The following GAS2L3 variants were observed in gnomAD, a reference collection of about 807,000 sequenced individuals.
The protein encoded by GAS2L3 is growth arrest specific 2 like 3.
Under a neutral mutation model 37.0 loss-of-function variants are expected in GAS2L3, and 28 were observed. That is an observed-to-expected ratio of 0.76 (90% confidence interval 0.56 to 1.04). The LOEUF (loss-of-function observed/expected upper bound fraction) is 1.04. Among genes scored for constraint, GAS2L3 ranks in the 50% least tolerant of loss-of-function variants. The pLI is 0.00. For synonymous variants in GAS2L3, 290 were observed against 296.6 expected (o/e 0.98, Z 0.23); for missense variants, 793 against 817.6 (o/e 0.97, Z 0.37).
intron 1 of GAS2L3, among the ~76,000 whole-genome samples, chr12:100,583,637 A>C (rs553351197): frequency 5.3e-4 from 81 of 151,836 alleles, no homozygotes; most frequent in Admixed American, 1.1e-3. Flanking sequence ...ATGCCGACTA[A>C]TTTTTTTTGT....
At chr12:100,623,506 G>T (rs1956284759) in intron 9 of GAS2L3, 56 bp from the exon 10 acceptor site, 3 of 1,482,902 alleles carry the variant, frequency 2.0e-6, no homozygotes, top group African/African-American at 1.4e-5. Flanking sequence ...CTAATGAATT[G>T]TAACTATAAA....
At position 100,627,032 on chromosome 12, in the gene GAS2L3, T is replaced by A. The variant is rs1251266161; in HGVS notation, c.*2142T>A. Among the ~76,000 whole-genome samples the A allele has an allele frequency of 6.8e-6, 1 of 147,244 alleles. No homozygotes were observed. Reference sequence around the variant, plus strand: ...TGAACCCGGGAGGCAGAGGTTGCAGTGAGCCAAGATTGCGCCACTGCACTC... The same window carrying A: ...TGAACCCGGGAGGCAGAGGTTGCAGAGAGCCAAGATTGCGCCACTGCACTC... On this transcript the variant is annotated 3_prime_UTR_variant, in exon 10 of 10. Coordinates refer to ENST00000547754, the MANE Select transcript of GAS2L3 (RefSeq NM_174942.3).
At position 100,612,040 on chromosome 12, in the gene GAS2L3, C is replaced by T; in HGVS notation, c.344C>T (p.Ala115Val). The T allele has an allele frequency of 6.2e-7, 1 of 1,610,624 alleles. No homozygotes were observed. The highest frequency in any genetic ancestry group is 8.5e-7 in the Non-Finnish European group (1 of 1,176,898). ...MRKVPCKKDA[A>V]SGSFFARDNT... Reference sequence around the variant, plus strand: ...AAAGTGCCCTGTAAGAAAGATGCTGCATCAGGTTCATTCTTTGCTCGGGAC... The same window carrying T: ...AAAGTGCCCTGTAAGAAAGATGCTGTATCAGGTTCATTCTTTGCTCGGGAC... Residue 115 changes from alanine (A) to valine (V), a missense_variant, in exon 6 of 10, where the codon GCA (alanine) becomes GTA (valine). Physicochemically the swap from Ala to Val is moderately conservative, Grantham distance 64. Transcript: ENST00000547754.
intron 6 of GAS2L3, chr12:100,612,477 A>T (rs1430478313): frequency 4.8e-6 from 1 of 210,250 alleles, no homozygotes; most frequent in African/African-American, 2.4e-5. Context: ...CTTCCCTTTA[A>T]CCGGATAATT....
chr12:100,627,088 C>CAA lies in GAS2L3; in HGVS notation c.*2212_*2213dup, dbSNP rs566899740. On this transcript the variant is annotated 3_prime_UTR_variant, in exon 10 of 10. Transcript: ENST00000547754. ...TGGGCAACAGAGTGAGACTCTGTCT[C>CAA]AAAAAAAAAAAAAAAGAAAAAGAAA... is the stretch of plus-strand genomic sequence containing the variant. 1.0e-3 allele frequency among the ~76,000 whole-genome samples: 82 copies of CAA among 81,590 alleles called. No homozygotes were observed. Among genetic ancestry groups the CAA allele is most frequent in the African/African-American group, 3.2e-3 (74 of 23,090 alleles). The allele number at this position is 81,590 out of a possible 152,430, so 53.5% of individuals were successfully genotyped here.
intron 1 of GAS2L3, among the ~76,000 whole-genome samples, chr12:100,589,077 G>C (rs1331937029): frequency 6.6e-6 from 1 of 152,162 alleles, no homozygotes; most frequent in African/African-American, 2.4e-5. Context: ...AGGATTAAGA[G>C]ATTAAAGTAA....
chr12:100,587,039 C>G (rs1040467402), intron 1 of GAS2L3, among the ~76,000 whole-genome samples: 2 of 152,046 alleles, frequency 1.3e-5, no homozygotes, highest in African/African-American at 4.8e-5. Flanking sequence ...GAATTAGATA[C>G]CCTGAACAGA....
chr12:100,627,081 T>G lies in GAS2L3; in HGVS notation c.*2191T>G, dbSNP rs1403001558. Reference sequence around the variant, plus strand: ...TCCAGCCTGGGCAACAGAGTGAGACTCTGTCTCAAAAAAAAAAAAAAAGAA... The same window carrying G: ...TCCAGCCTGGGCAACAGAGTGAGACGCTGTCTCAAAAAAAAAAAAAAAGAA... On this transcript the variant is annotated 3_prime_UTR_variant, in exon 10 of 10. Coordinates refer to ENST00000547754, the MANE Select transcript of GAS2L3 (RefSeq NM_174942.3). Among the ~76,000 whole-genome samples the G allele has an allele frequency of 7.0e-6, 1 of 143,498 alleles. No individual in the cohort carries two copies. Among genetic ancestry groups the G allele is most frequent in the African/African-American group, 2.6e-5 (1 of 38,506 alleles). The allele number at this position is 143,498 out of a possible 152,430, so 94.1% of individuals were successfully genotyped here. A position where few individuals can be genotyped will look rare whatever the true frequency, so the allele number is the denominator to read the frequency against.
At chr12:100,610,561 GA>G (rs1394849161) in intron 5 of GAS2L3, among the ~76,000 whole-genome samples, 23 of 148,700 alleles carry the variant, frequency 1.5e-4, no homozygotes, top group African/African-American at 4.2e-4. Context: ...ATTCAATGAG[GA>G]AAAAAAAACT....
rs1292105085 is a variant in GAS2L3 at position 100,595,050 on chromosome 12, AAC to A, written c.18+132_18+133del. On this transcript the variant is annotated intron_variant, in intron 3 of 9. Coordinates refer to ENST00000547754, the MANE Select transcript of GAS2L3 (RefSeq NM_174942.3). ...GTTTTTTTAAGCATCACATTTTAAT[AAC>A]ACATACTATATTTTGACTTTCTAGT... 21 of 408,052 alleles carry A rather than the reference AAC, an allele frequency of 5.1e-5. No homozygotes were observed. In the East Asian group the frequency reaches 6.9e-4, roughly 13 times the overall value. The allele number at this position is 408,052 out of a possible 1,614,324, so 25.3% of individuals were successfully genotyped here. A position where few individuals can be genotyped will look rare whatever the true frequency, so the allele number is the denominator to read the frequency against.
rs772786083 is a variant in GAS2L3 at position 100,600,479 on chromosome 12, T to C, written c.116T>C (p.Ile39Thr). The change falls in exon 4 of 10, where the codon ATA (isoleucine) becomes ACA (threonine). Residue 39 changes from isoleucine (I) to threonine (T), a missense_variant. Physicochemically the swap from Ile to Thr is moderately conservative, Grantham distance 89 (BLOSUM62 -1). Transcript: ENST00000547754. ...LANVCQYDEW[I>T]AVRHEATLLP... ...AATGTTTGTCAGTACGATGAGTGGA[T>C]AGCTGTGAGGCATGAAGCCACTTTG... 1.9e-6 allele frequency: 3 copies of C among 1,613,490 alleles called. No homozygotes were observed. Among genetic ancestry groups the C allele is most frequent in the Non-Finnish European group, 2.5e-6 (3 of 1,179,614 alleles).
Position 100,626,156 on chromosome 12 carries a change from C to T in GAS2L3, c.*1266C>T, listed in dbSNP as rs1040319382. On this transcript the variant is annotated 3_prime_UTR_variant, in exon 10 of 10. Coordinates refer to ENST00000547754, the MANE Select transcript of GAS2L3 (RefSeq NM_174942.3). ...GTGCTTTTAAAACTTCACAGTATTG[C>T]CAATTATCTTAGGTTATTCAGTATT... The T allele has an allele frequency of 2.0e-5, 3 of 152,132 alleles. No individual in the cohort carries two copies. The highest frequency in any genetic ancestry group is 4.2e-4 in the South Asian group (2 of 4,818). The allele number at this position is 152,132 out of a possible 1,614,324, so 9.4% of individuals were successfully genotyped here.
At chr12:100,594,251 A>G (rs1955882464) in intron 2 of GAS2L3, among the ~76,000 whole-genome samples, 1 of 152,048 alleles carries the variant, frequency 6.6e-6, no homozygotes, top group Admixed American at 6.6e-5. Flanking sequence ...TACCTAATTC[A>G]ATGAATTAAA....
chr12:100,599,381 T>C (rs1955955338), intron 3 of GAS2L3, among the ~76,000 whole-genome samples: 1 of 152,188 alleles, frequency 6.6e-6, no homozygotes, highest in Non-Finnish European at 1.5e-5. Flanking sequence ...AGAGTGTCAG[T>C]TTTTATTCTA....
At chr12:100,588,183 G>A (rs1318143534) in intron 1 of GAS2L3, among the ~76,000 whole-genome samples, 1 of 152,194 alleles carries the variant, frequency 6.6e-6, no homozygotes, top group Non-Finnish European at 1.5e-5. Flanking sequence ...TCTTAGAACA[G>A]ATAAAATATT....
chr12:100,581,282 T>C (rs1955708896), intron 1 of GAS2L3, among the ~76,000 whole-genome samples: 1 of 152,218 alleles, frequency 6.6e-6, no homozygotes, highest in Non-Finnish European at 1.5e-5. Context: ...GCAAACCAAG[T>C]CTGAAAGTTT....
chr12:100,596,963 A>C lies in GAS2L3; in HGVS notation c.18+2041A>C, dbSNP rs565278523. On this transcript the variant is annotated intron_variant, in intron 3 of 9. Coordinates refer to ENST00000547754, the MANE Select transcript of GAS2L3 (RefSeq NM_174942.3). ...GCATGTTTGAGAACAATCTTCATAC[A>C]TGCAGTTTTTGTTAATATCTGACTT... is the stretch of plus-strand genomic sequence containing the variant. 2.2e-4 allele frequency among the ~76,000 whole-genome samples: 33 copies of C among 152,178 alleles called. No individual in the cohort carries two copies. The South Asian group carries it at 3.5e-3, about 16-fold the overall frequency.
At chr12:100,597,066 ACTCTT>A (rs1317476366) in intron 3 of GAS2L3, among the ~76,000 whole-genome samples, 6 of 151,744 alleles carry the variant, frequency 4.0e-5, no homozygotes, top group Admixed American at 2.6e-4. Context: ...TCCAACATGT[ACTCTT>A]CTCTCTAATG....
Position 100,623,740 on chromosome 12 carries a change from C to T in GAS2L3, c.935C>T (p.Pro312Leu). 1 of 1,614,004 alleles carries T rather than the reference C, an allele frequency of 6.2e-7. No individual in the cohort carries two copies. The highest frequency in any genetic ancestry group is 8.5e-7 in the Non-Finnish European group (1 of 1,179,950). The part of the protein sequence containing the change: ...ESVPDSPART[P>L]QPPEMNPLSA... ...GTACCTGATTCGCCTGCCAGAACAC[C>T]TCAGCCTCCTGAAATGAATCCTTTG... Residue 312 changes from proline to leucine, a missense_variant, in exon 10 of 10, where the codon CCT (proline) becomes CTT (leucine). Coordinates refer to ENST00000547754, the MANE Select transcript of GAS2L3 (RefSeq NM_174942.3).
Sources: allele counts gnomAD v4.1 joint callset (sites outside exome capture counted in the v4.1 genomes callset), GRCh38; gene constraint gnomAD v4.1.1; transcripts MANE v1.5; gene names NCBI Gene and HGNC (gene_info 2026-07-23, HGNC 2026-07-21).